TAOK2: variants seen among roughly 807,000 people sequenced by gnomAD.
TAOK2 encodes the protein TAO kinase 2.
In TAOK2, 42 loss-of-function variants were observed where a neutral mutation model predicts 122.5. The observed-to-expected ratio is 0.34, with a 90% confidence interval of 0.27 to 0.44. The LOEUF (loss-of-function observed/expected upper bound fraction) is 0.44, where lower values mean the gene tolerates loss of function less well. TAOK2 is among the 20% of genes least tolerant of loss of function. The pLI is 1.00. For missense variants in TAOK2, 1,264 were observed against 1,644.9 expected (o/e 0.77, Z 4.01); for synonymous variants, 704 against 677.6 (o/e 1.04, Z -0.61).
rs774378915 is a variant in TAOK2, at chr16:29,987,348, C to T, written c.3076C>T (p.Leu1026=). 2 of 1,569,498 alleles carry T rather than the reference C, an allele frequency of 1.3e-6. No homozygotes were observed. The highest frequency in any genetic ancestry group is 1.7e-6 in the Non-Finnish European group (2 of 1,157,978). Residue 1026 remains leucine (L), a synonymous_variant, in exon 16 of 16, where the codon CTG becomes TTG. Transcript: ENST00000308893. The part of the protein sequence containing the change: ...LFLLLAQGTA[L]GAVLGLSWRR... ...CCTACTCCTGGCCCAGGGTACCGCA[C>T]TGGGGGCCGTCCTGGGCCTGAGCTG...
chr16:29,985,926 A>C lies in TAOK2; in HGVS notation c.1992+65A>C. 1 of 1,538,578 alleles carries C rather than the reference A, an allele frequency of 6.5e-7. No individual in the cohort carries two copies. The highest frequency in any genetic ancestry group is 8.8e-7 in the Non-Finnish European group (1 of 1,132,800). ...GGATCCCAGGGACCCACCCTTTTCC[A>C]TTTTCCTCATTCTTGTCTTCTTTCT... On this transcript the variant is annotated intron_variant, in intron 15 of 15. Transcript: ENST00000308893. The surrounding 1 kb of genome is among the most constrained non-coding windows in gnomAD (Gnocchi z 6.9).
Position 29,987,552 on chromosome 16 carries a change from C to T in TAOK2, c.3280C>T (p.Pro1094Ser). 2 of 1,612,616 alleles carry T rather than the reference C, an allele frequency of 1.2e-6. No individual in the cohort carries two copies. Among genetic ancestry groups the T allele is most frequent in the Non-Finnish European group, 1.7e-6 (2 of 1,179,074 alleles). The part of the protein sequence containing the change: ...LWLRVLLRLS[P>S]MAFRALQGCG... ...GTTGCGGGTTCTGCTGCGCCTGTCA[C>T]CCATGGCCTTCCGGGCCCTGCAGGG... is the stretch of plus-strand genomic sequence containing the variant. The change falls in exon 16 of 16, where the codon CCC becomes TCC. Residue 1094 changes from proline (P) to serine (S), a missense_variant. Pro to Ser is a moderately conservative substitution (Grantham distance 74, BLOSUM62 -1). Around this residue, in one of 4 missense-constraint regions of TAOK2, gnomAD observed 824 missense variants for 908.7 expected, o/e 0.91. Transcript: ENST00000308893.
Position 29,978,954 on chromosome 16 carries a change from T to C in TAOK2, c.353-20T>C. The C allele has an allele frequency of 6.2e-7, 1 of 1,614,084 alleles. No homozygotes were observed. Among genetic ancestry groups the C allele is most frequent in the Non-Finnish European group, 8.5e-7 (1 of 1,179,976 alleles). ...CCACCCTTGCGCTCCCTCGGGTTGA[T>C]GTTCTTCCTCACTCTCCAGTGCACA... On this transcript the variant is annotated intron_variant, in intron 5 of 15. Coordinates refer to ENST00000308893, the MANE Select transcript of TAOK2 (RefSeq NM_016151.4).
downstream of TAOK2, chr16:29,989,057 T>G (rs2069902369): frequency 1.0e-6 from 1 of 985,278 alleles, no homozygotes; most frequent in South Asian, 4.7e-5. Flanking sequence ...CCTGCCTTCC[T>G]CCCTGAGCTG....
intron 13 of TAOK2, 62 bp downstream of exon 13, chr16:29,983,726 A>G: frequency 6.4e-7 from 1 of 1,554,752 alleles, no homozygotes; most frequent in South Asian, 1.2e-5. Flanking sequence ...TTTTAAGTCT[A>G]GAAATGATTT....
At chr16:29,976,756 A>T (rs1001427113) in intron 1 of TAOK2, among the ~76,000 whole-genome samples, 8 of 152,184 alleles carry the variant, frequency 5.3e-5, no homozygotes, top group Non-Finnish European at 8.8e-5. Context: ...TACAGGCCTA[A>T]CCGGGGAGCC....
downstream of TAOK2, chr16:29,989,759 C>T (rs760295596): frequency 1.9e-6 from 3 of 1,613,906 alleles, no homozygotes; most frequent in Non-Finnish European, 1.7e-6. Context: ...GCGATCTTGG[C>T]GGAGCAGTAT....
At chr16:29,991,142 G>A (rs55768878), downstream of TAOK2, 1,398 of 1,610,180 alleles carry the variant, frequency 8.7e-4, 8 homozygotes, top group African/African-American at 0.016. This position sits in a 1 kb window ranked among gnomAD's most constrained non-coding sequence, Gnocchi z 5.6. Context: ...CCTTCGATGC[G>A]GAAAGCATGA....
Position 29,983,249 on chromosome 16 carries a change from G to A in TAOK2, c.1177G>A (p.Gly393Ser), listed in dbSNP as rs2069674846. ...EEEEEEEEEEGPEAREMAMMQ... is the reference protein window; with the variant it reads ...EEEEEEEEEESPEAREMAMMQ... ...GGAGGAAGAGGAGGAGGAGGAAGAA[G>A]GCCCTGAAGCCCGGGAGATGGCCAT... Residue 393 changes from glycine (G) to serine (S), a missense_variant, in exon 12 of 16, where the codon GGC becomes AGC. Gly to Ser is a moderately conservative substitution (Grantham distance 56, BLOSUM62 0). Transcript: ENST00000308893. 2.5e-6 allele frequency: 4 copies of A among 1,610,768 alleles called. No individual in the cohort carries two copies. In the South Asian group the frequency reaches 3.3e-5, roughly 13 times the overall value.
downstream of TAOK2, chr16:29,989,573 TTGATCCG>T (rs747075970): frequency 6.2e-7 from 1 of 1,613,470 alleles, no homozygotes; most frequent in South Asian, 1.1e-5. Flanking sequence ...CCATCTCCCC[TTGATCCG>T]TCCACTGCAT....
rs2069564562 is a variant in TAOK2 at position 29,979,866 on chromosome 16, T to C, written c.655+358T>C. On this transcript the variant is annotated intron_variant, in intron 8 of 15. Coordinates refer to ENST00000308893, the MANE Select transcript of TAOK2 (RefSeq NM_016151.4). The surrounding 1 kb of genome is among the most constrained non-coding windows in gnomAD (Gnocchi z 4.1). The stretch of plus-strand genomic sequence containing the variant: ...ACCAGGCAGGCATGTTTTCTTTCAA[T>C]GTGATGAACGCTGTGTGGAGAAGTT... 6.6e-6 allele frequency among the ~76,000 whole-genome samples: 1 copy of C among 152,222 alleles called. No homozygotes were observed. Among genetic ancestry groups the C allele is most frequent in the Non-Finnish European group, 1.5e-5 (1 of 68,036 alleles).
intron 1 of TAOK2, among the ~76,000 whole-genome samples, chr16:29,975,117 T>C (rs992767490): frequency 6.6e-6 from 1 of 152,178 alleles, no homozygotes; most frequent in Non-Finnish European, 1.5e-5. Context: ...TATGTGTTTG[T>C]GTGTATGCGT....
At chr16:29,977,954 C>T (rs2150882976) in intron 2 of TAOK2, 50 bp downstream of exon 2, 1 of 1,613,364 alleles carries the variant, frequency 6.2e-7, no homozygotes. Flanking sequence ...TCTTCCTATC[C>T]CTGTGGACTT....
In TAOK2 at chr16:29,985,706, C is replaced by A; in HGVS notation, c.1837C>A (p.Leu613Met). The A allele has an allele frequency of 1.2e-6, 2 of 1,607,784 alleles. No homozygotes were observed. The highest frequency in any genetic ancestry group is 1.7e-6 in the Non-Finnish European group (2 of 1,177,772). ...TCCCAAGCGGGAGAAGGCCGAGTGGCTGCTGCGGCAGAAGGAGCAGCTCCA... is the reference window on the plus strand; with the variant it reads ...TCCCAAGCGGGAGAAGGCCGAGTGGATGCTGCGGCAGAAGGAGCAGCTCCA... ...STPKREKAEW[L>M]LRQKEQLQQC... The change falls in exon 15 of 16, where the codon CTG (leucine) becomes ATG (methionine). Residue 613 changes from leucine to methionine, a missense_variant. Leu to Met is a conservative substitution (Grantham distance 15). This residue lies in a region of TAOK2 where 824 missense variants were observed against 908.7 expected (regional missense o/e 0.91). Coordinates refer to ENST00000308893, the MANE Select transcript of TAOK2 (RefSeq NM_016151.4). The surrounding 1 kb of genome is among the most constrained non-coding windows in gnomAD (Gnocchi z 6.9).
chr16:29,981,587 T>G, intron 8 of TAOK2, 74 bp from the exon 9 acceptor site: 1 of 1,399,730 alleles, frequency 7.1e-7, no homozygotes, highest in Non-Finnish European at 1.0e-6. Flanking sequence ...TGAACCCAAG[T>G]CGTCTCAGTT....
At position 29,988,350 on chromosome 16, in the gene TAOK2, CA is replaced by C. The variant is rs1567252588; in HGVS notation, c.*377del. The C allele has an allele frequency of 2.2e-6, 3 of 1,375,086 alleles. No individual in the cohort carries two copies. The highest frequency in any genetic ancestry group is 2.2e-5 in the Admixed American group (1 of 45,088). 85.2% of individuals were successfully genotyped at this position (1,375,086 alleles called of 1,614,324 possible). On this transcript the variant is annotated 3_prime_UTR_variant, in exon 16 of 16. Coordinates refer to ENST00000308893, the MANE Select transcript of TAOK2 (RefSeq NM_016151.4). ...TTCCAACCTGTCCCCTTCCCCCCAC[CA>C]AAAAAAGAAAAAGACAAACACAAAT... is the stretch of plus-strand genomic sequence containing the variant.
downstream of TAOK2, chr16:29,990,781 C>T (rs373758473): frequency 2.0e-5 from 32 of 1,601,416 alleles, no homozygotes; most frequent in Non-Finnish European, 2.6e-5. Context: ...TCATCTTCCC[C>T]AGCTGCGGCT....
At chr16:29,989,208 C>T (rs184889224), downstream of TAOK2, 2 of 985,280 alleles carry the variant, frequency 2.0e-6, no homozygotes, top group Admixed American at 6.1e-5. Flanking sequence ...ACAGTCTCTC[C>T]CTCTTTGCCT....
chr16:29,978,389 C>T, intron 4 of TAOK2, 36 bp downstream of exon 4: 1 of 1,591,118 alleles, frequency 6.3e-7, no homozygotes, highest in Non-Finnish European at 8.6e-7. Context: ...GATCTTTACT[C>T]CTATTCATGC....
Sources: allele counts gnomAD v4.1 joint callset (sites outside exome capture counted in the v4.1 genomes callset), GRCh38; gene constraint gnomAD v4.1.1; regional missense constraint gnomAD v4.1.1; non-coding constraint Gnocchi (gnomAD v3.1); transcripts MANE v1.5; gene names NCBI Gene and HGNC (gene_info 2026-07-23, HGNC 2026-07-21).